Variants in SGCD observed in about 807,000 individuals in gnomAD.
SGCD encodes the protein delta-sarcoglycan.
In SGCD, 18 loss-of-function variants were observed where a neutral mutation model predicts 36.6. The ratio of observed to expected loss-of-function variants is 0.49; its 90% CI spans 0.34 to 0.73. SGCD has a LOEUF of 0.73. Ranked by LOEUF, SGCD falls within the 30% of genes least tolerant of loss-of-function variation. SGCD has a pLI of 0.01. For synonymous variants in SGCD, 133 were observed against 130.6 expected, an observed-to-expected ratio of 1.02 and a Z score of -0.12; for missense variants, 387 against 346.7, an observed-to-expected ratio of 1.12 and a Z score of -0.92.
rs536127560 is a variant in SGCD at position 156,285,046 on chromosome 5, T to C, written c.-43-44488T>C. ...CACCAATAACACACAAACAGAGAGC[T>C]AAATCACGAGTGAACTCCCATTCAC... is the stretch of plus-strand genomic sequence containing the variant. On this transcript the variant is annotated intron_variant, in intron 3 of 9. Coordinates refer to the SGCD transcript ENST00000517913. Among the ~76,000 whole-genome samples, 17 of 152,172 alleles carry C rather than the reference T, an allele frequency of 1.1e-4. No homozygotes were observed. The South Asian group carries it at 1.7e-3, about 15-fold the overall frequency.
At chr5:155,826,276 G>A in the SGCD span, among the ~76,000 whole-genome samples, 2 of 152,102 alleles carry the variant, frequency 1.3e-5, no homozygotes, top group Non-Finnish European at 2.9e-5. Context: ...CACTCTTTCA[G>A]GCTCATAATC....
At chr5:156,681,330 G>A (rs1236013881) in intron 7 of SGCD, among the ~76,000 whole-genome samples, 1 of 152,176 alleles carries the variant, frequency 6.6e-6, no homozygotes, top group African/African-American at 2.4e-5. Flanking sequence ...AAGCCACATT[G>A]TCTGAAGTTA....
chr5:156,729,707 C>A (rs996500429), intron 7 of SGCD, among the ~76,000 whole-genome samples: 9 of 152,086 alleles, frequency 5.9e-5, no homozygotes, highest in African/African-American at 1.4e-4. Context: ...AGTAATTTTT[C>A]TCCATTCAGT....
At chr5:156,720,785 A>T (rs1330731149) in intron 7 of SGCD, among the ~76,000 whole-genome samples, 1 of 152,220 alleles carries the variant, frequency 6.6e-6, no homozygotes, top group Non-Finnish European at 1.5e-5. Flanking sequence ...TCTAAGGATT[A>T]CTACTTTGGT....
At chr5:156,016,809 A>G (rs1309424277) in intron 1 of SGCD, among the ~76,000 whole-genome samples, 1 of 152,146 alleles carries the variant, frequency 6.6e-6, no homozygotes, top group African/African-American at 2.4e-5. Flanking sequence ...CTGTTTGGGC[A>G]TTTAAGAGAA....
At chr5:156,185,850 T>TAGAGAGAGAGAGAGAGAG (rs201378824) in intron 3 of SGCD, among the ~76,000 whole-genome samples, 2 of 49,942 alleles carry the variant, frequency 4.0e-5, no homozygotes, top group Non-Finnish European at 9.2e-5. Flanking sequence ...TATATATATA[T>TAGAGAGAGAGAGAGAGAG]AGAGAGAGAG....
At chr5:156,725,341 T>C (rs1755719438) in intron 7 of SGCD, among the ~76,000 whole-genome samples, 1 of 152,208 alleles carries the variant, frequency 6.6e-6, no homozygotes, top group African/African-American at 2.4e-5. Context: ...CTCCTTACTC[T>C]GAGGTTCTAT....
chr5:155,860,019 G>A, the SGCD span, among the ~76,000 whole-genome samples: 1 of 152,308 alleles, frequency 6.6e-6, no homozygotes, highest in East Asian at 1.9e-4. Context: ...ATCTCTAGAG[G>A]CACAGCCCCT....
intron 7 of SGCD, among the ~76,000 whole-genome samples, chr5:156,671,017 A>G (rs538174450): frequency 1.3e-5 from 2 of 151,598 alleles, no homozygotes; most frequent in East Asian, 1.9e-4. Flanking sequence ...TCCACTAAGC[A>G]TGTAATTCCT....
At chr5:156,723,709 T>G (rs1039323865) in intron 7 of SGCD, among the ~76,000 whole-genome samples, 2 of 152,082 alleles carry the variant, frequency 1.3e-5, no homozygotes, top group Non-Finnish European at 2.9e-5. Flanking sequence ...GTGGCATGTA[T>G]GAGAGGTGAA....
intron 1 of SGCD, among the ~76,000 whole-genome samples, chr5:155,916,876 C>CAGACCCAATG (rs1756753829): frequency 6.6e-6 from 1 of 152,130 alleles, no homozygotes; most frequent in Admixed American, 6.5e-5. Flanking sequence ...ATGTGCATTC[C>CAGACCCAATG]AGACCCAATG....
At chr5:155,828,176 A>G in the SGCD span, among the ~76,000 whole-genome samples, 1 of 152,144 alleles carries the variant, frequency 6.6e-6, no homozygotes, top group Non-Finnish European at 1.5e-5. Flanking sequence ...AAACAACCAT[A>G]ATAGTAATAG....
chr5:156,177,696 C>CA (rs1422637047), intron 3 of SGCD, among the ~76,000 whole-genome samples: 2 of 152,130 alleles, frequency 1.3e-5, no homozygotes, highest in Admixed American at 6.5e-5. Context: ...CATCACCCCC[C>CA]AAAAGAGTCC....
intron 3 of SGCD, among the ~76,000 whole-genome samples, chr5:156,254,212 G>A (rs896912666): frequency 3.3e-5 from 5 of 152,118 alleles, no homozygotes; most frequent in Non-Finnish European, 7.4e-5. Context: ...CATTTATAAT[G>A]ATGTATGCTC....
At chr5:156,326,240 G>T (rs1767813070), upstream of SGCD, among the ~76,000 whole-genome samples, 3 of 152,260 alleles carry the variant, frequency 2.0e-5, no homozygotes, top group South Asian at 6.2e-4. Flanking sequence ...AAATGTCAAA[G>T]GTAGAGCATC....
intron 3 of SGCD, among the ~76,000 whole-genome samples, chr5:156,139,668 C>G (rs922744831): frequency 6.6e-6 from 1 of 152,140 alleles, no homozygotes; most frequent in Non-Finnish European, 1.5e-5. Flanking sequence ...ATTCTTATTC[C>G]TCTATGTCCT....
At chr5:156,649,624 C>G (rs1201923390) in intron 7 of SGCD, among the ~76,000 whole-genome samples, 2 of 151,432 alleles carry the variant, frequency 1.3e-5, no homozygotes, top group African/African-American at 2.4e-5. Flanking sequence ...AAAAACCAAA[C>G]ACCGCATGTT....
At chr5:156,362,579 G>A (rs895505043) in intron 3 of SGCD, among the ~76,000 whole-genome samples, 13 of 152,196 alleles carry the variant, frequency 8.5e-5, no homozygotes, top group African/African-American at 3.1e-4. Flanking sequence ...CCGGGAGGCA[G>A]AGGTTGCAGT....
At chr5:156,546,683 C>T (rs1758588079) in intron 4 of SGCD, among the ~76,000 whole-genome samples, 1 of 151,890 alleles carries the variant, frequency 6.6e-6, no homozygotes, top group African/African-American at 2.4e-5. Context: ...TTTGTGTAGA[C>T]CTTGAAAATG....
Sources: gnomAD v4.1 joint callset for allele counts (sites outside exome capture counted in the v4.1 genomes callset) on GRCh38, gnomAD v4.1.1 for gene constraint, MANE v1.5 for transcripts, NCBI Gene and HGNC (gene_info 2026-07-23, HGNC 2026-07-21) for gene names.